Variants in EPCIP observed in about 807,000 individuals in gnomAD.
EPCIP encodes exosomal polycystin 1 interacting protein.
chr21:32,793,588 C>A, the EPCIP span: 1 of 692,580 alleles, frequency 1.4e-6, no homozygotes, highest in East Asian at 2.5e-5. Context: ...CAGTTGGGCA[C>A]AGAGCAGAAC....
At chr21:32,794,540 T>A in the EPCIP span, 2 of 955,084 alleles carry the variant, frequency 2.1e-6, no homozygotes, top group South Asian at 1.7e-5. Flanking sequence ...ACACAGCTTA[T>A]GGAAAAGGAA....
the EPCIP span, among the ~76,000 whole-genome samples, chr21:32,802,517 C>T: frequency 6.6e-6 from 1 of 152,220 alleles, no homozygotes; most frequent in Admixed American, 6.5e-5. Flanking sequence ...GGAGAAAACA[C>T]TAGTCAGGAC....
chr21:32,799,316 T>A, the EPCIP span, among the ~76,000 whole-genome samples: 2 of 152,148 alleles, frequency 1.3e-5, no homozygotes, highest in African/African-American at 4.8e-5. Flanking sequence ...ATGTCTGACT[T>A]TGTGGGATAT....
the EPCIP span, chr21:32,794,333 C>T: frequency 1.2e-6 from 2 of 1,614,228 alleles, no homozygotes; most frequent in East Asian, 2.2e-5. Flanking sequence ...GATGAGCGTG[C>T]TGTTCTTCTG....
the EPCIP span, among the ~76,000 whole-genome samples, chr21:32,805,348 A>G: frequency 2.0e-5 from 2 of 98,172 alleles, no homozygotes; most frequent in African/African-American, 8.4e-5. Flanking sequence ...AGCCACTAAC[A>G]TTGTAGATTA....
At chr21:32,792,512 A>AT in the EPCIP span, among the ~76,000 whole-genome samples, 1 of 152,172 alleles carries the variant, frequency 6.6e-6, no homozygotes, top group Non-Finnish European at 1.5e-5. Context: ...CTAAGTTCTG[A>AT]TTTTTGGAGC....
the EPCIP span, among the ~76,000 whole-genome samples, chr21:32,801,048 G>A: frequency 6.6e-6 from 1 of 152,184 alleles, no homozygotes; most frequent in African/African-American, 2.4e-5. Context: ...GGTACCATGT[G>A]ATTGAGTTCT....
the EPCIP span, chr21:32,793,655 G>T: frequency 1.0e-6 from 1 of 977,564 alleles, no homozygotes. Context: ...GCGGAGAGAG[G>T]CACAGTTGTG....
At chr21:32,809,234 G>A in the EPCIP span, among the ~76,000 whole-genome samples, 2 of 138,978 alleles carry the variant, frequency 1.4e-5, no homozygotes, top group African/African-American at 2.6e-5. Flanking sequence ...ATGTCTCACT[G>A]GGCTTTTGTT....
the EPCIP span, chr21:32,797,288 G>A: frequency 4.7e-5 from 12 of 257,040 alleles, no homozygotes; most frequent in South Asian, 1.6e-4. Flanking sequence ...AGATGAAGTC[G>A]CCCGGGCTGC....
chr21:32,794,010 G>T, the EPCIP span: 2 of 1,614,224 alleles, frequency 1.2e-6, no homozygotes, highest in Non-Finnish European at 1.7e-6. Flanking sequence ...AGTAAGCTCT[G>T]CTCTGGGAAG....
At chr21:32,799,039 A>G in the EPCIP span, 1 of 152,192 alleles carries the variant, frequency 6.6e-6, no homozygotes, top group East Asian at 1.9e-4. Flanking sequence ...GCAAAAATAC[A>G]TTGGACTCCT....
At chr21:32,807,205 G>A in the EPCIP span, among the ~76,000 whole-genome samples, 41 of 152,148 alleles carry the variant, frequency 2.7e-4, no homozygotes, top group African/African-American at 8.7e-4. Context: ...TGCTGATTGC[G>A]GTTTCCCCAG....
the EPCIP span, among the ~76,000 whole-genome samples, chr21:32,799,674 G>A: frequency 6.6e-6 from 1 of 152,286 alleles, no homozygotes; most frequent in South Asian, 2.1e-4. Context: ...AGGCATGGTG[G>A]TTCACACCTG....
chr21:32,794,897 A>G, the EPCIP span, among the ~76,000 whole-genome samples: 8 of 152,212 alleles, frequency 5.3e-5, no homozygotes, highest in African/African-American at 1.9e-4. Context: ...ACCCCTGAAC[A>G]TGACATGCTT....
chr21:32,813,385 G>T, the EPCIP span, among the ~76,000 whole-genome samples: 1 of 152,092 alleles, frequency 6.6e-6, no homozygotes, highest in African/African-American at 2.4e-5. Flanking sequence ...GAATTCATAT[G>T]CCTGGAAGCC....
the EPCIP span, among the ~76,000 whole-genome samples, chr21:32,795,991 T>TCCCTCCTTCCACCTC: frequency 6.7e-6 from 1 of 148,718 alleles, no homozygotes; most frequent in Non-Finnish European, 1.5e-5. Flanking sequence ...CTTCCCTCCT[T>TCCCTCCTTCCACCTC]CCCTCCTTCC....
chr21:32,808,962 G>A, the EPCIP span, among the ~76,000 whole-genome samples: 2 of 151,952 alleles, frequency 1.3e-5, no homozygotes, highest in East Asian at 3.9e-4. Flanking sequence ...TCACAATTTG[G>A]GCTAAACCGA....
the EPCIP span, chr21:32,797,007 C>T: frequency 6.4e-6 from 3 of 470,744 alleles, no homozygotes; most frequent in African/African-American, 2.0e-5. Context: ...TATTGGTTTG[C>T]GGAACATGTG....
Sources: allele counts gnomAD v4.1 joint callset (sites outside exome capture counted in the v4.1 genomes callset), GRCh38; gene constraint gnomAD v4.1.1; transcripts MANE v1.5; gene names NCBI Gene and HGNC (gene_info 2026-07-23, HGNC 2026-07-21).